The following CEP135 variants were observed in gnomAD, a reference collection of about 807,000 sequenced individuals.
The protein encoded by CEP135 is centrosomal protein 135, also known as centrosomal protein of 135 kDa.
CEP135 carries 142 observed loss-of-function variants against 157.3 expected under a neutral mutation model. The observed-to-expected ratio is 0.90, with a 90% CI of 0.79 to 1.04. The LOEUF (loss-of-function observed/expected upper bound fraction) is 1.04, where lower values mean the gene tolerates loss of function less well. Among genes scored for constraint, CEP135 ranks in the 50% least tolerant of loss-of-function variants. CEP135 has a pLI of 0.00. For synonymous variants in CEP135, 396 were observed against 439.8 expected, an observed-to-expected ratio of 0.90 and a Z score of 1.25; for missense variants, 1,317 against 1,309.2, an observed-to-expected ratio of 1.01 and a Z score of -0.09.
chr4:56,031,962 G>A lies in CEP135; in HGVS notation c.*614G>A, dbSNP rs932861479. The A allele has an allele frequency of 6.6e-6, 1 of 152,114 alleles. No homozygotes were observed. Among genetic ancestry groups the A allele is most frequent in the Non-Finnish European group, 1.5e-5 (1 of 68,026 alleles). 9.4% of individuals were successfully genotyped at this position (152,114 alleles called of 1,614,324 possible). ...TATTGCCATCTAGAAGAACTATGAT[G>A]AGAAAGATACATTTATATATTATGT... On this transcript the variant is annotated 3_prime_UTR_variant, in exon 26 of 26. Coordinates refer to ENST00000257287, the MANE Select transcript of CEP135 (RefSeq NM_025009.5).
rs569238872 is a variant in CEP135 at position 56,002,299 on chromosome 4, TG to T, written c.2280+2657del. 2.5e-4 allele frequency among the ~76,000 whole-genome samples: 38 copies of T among 152,200 alleles called. 1 individual carries two copies. The South Asian group carries it at 7.5e-3, about 30-fold the overall frequency. On this transcript the variant is annotated intron_variant, in intron 17 of 25. Transcript: ENST00000257287. ...ATTATGTTAAATAAAAGTGTGAAAG[TG>T]GGCATCCTTGGCTTGTTCCAGATCT... is the stretch of plus-strand genomic sequence containing the variant.
chr4:55,990,444 TAAAG>T (rs1052921196), intron 14 of CEP135, among the ~76,000 whole-genome samples: 1 of 152,158 alleles, frequency 6.6e-6, no homozygotes, highest in Non-Finnish European at 1.5e-5. Flanking sequence ...GTATGTAAAA[TAAAG>T]AAGAAATCCA....
At chr4:55,973,931 C>G (rs1729108146) in intron 10 of CEP135, among the ~76,000 whole-genome samples, 1 of 152,146 alleles carries the variant, frequency 6.6e-6, no homozygotes, top group African/African-American at 2.4e-5. Context: ...ATCCAGTTGC[C>G]CATTCTTTCC....
intron 24 of CEP135, among the ~76,000 whole-genome samples, chr4:56,023,232 A>G (rs892320637): frequency 6.7e-6 from 1 of 150,248 alleles, no homozygotes; most frequent in Non-Finnish European, 1.5e-5. Context: ...AAAAAAAAAA[A>G]GAGAGAATTA....
chr4:55,981,531 A>G (rs1729408648), intron 13 of CEP135, 152 bp downstream of exon 13: 1 of 576,266 alleles, frequency 1.7e-6, no homozygotes, highest in Non-Finnish European at 2.9e-6. Context: ...AGAATATTTC[A>G]TTGTTGATAA....
At chr4:56,017,226 C>T (rs1173290300) in intron 21 of CEP135, among the ~76,000 whole-genome samples, 1 of 150,588 alleles carries the variant, frequency 6.6e-6, no homozygotes, top group Non-Finnish European at 1.5e-5. Flanking sequence ...TGAAGTAAAC[C>T]CCATTTTTGG....
At chr4:55,961,859 T>C (rs1180450543) in intron 6 of CEP135, among the ~76,000 whole-genome samples, 1 of 151,608 alleles carries the variant, frequency 6.6e-6, no homozygotes, top group East Asian at 1.9e-4. Flanking sequence ...TTAGCCATAT[T>C]TGTACTCAGG....
intron 19 of CEP135, 74 bp from the exon 20 acceptor site, chr4:56,011,338 A>T: frequency 1.0e-6 from 1 of 988,722 alleles, no homozygotes; most frequent in Non-Finnish European, 1.5e-6. Flanking sequence ...ATTCCAAAGG[A>T]ATTATTTGAA....
rs769583190 is a variant in CEP135, at chr4:56,009,917, G to A, written c.2505+14G>A. On this transcript the variant is annotated intron_variant, in intron 19 of 25. Coordinates refer to ENST00000257287, the MANE Select transcript of CEP135 (RefSeq NM_025009.5). ...AGAGAAAATCAAGTATGAACACAAG[G>A]CATAAATTTTGATAGTTTTATACTT... 2 of 1,606,348 alleles carry A rather than the reference G, an allele frequency of 1.2e-6. No homozygotes were observed. Among genetic ancestry groups the A allele is most frequent in the Non-Finnish European group, 1.7e-6 (2 of 1,177,574 alleles).
intron 5 of CEP135, among the ~76,000 whole-genome samples, chr4:55,959,021 G>A (rs1391951138): frequency 1.3e-5 from 2 of 152,152 alleles, no homozygotes; most frequent in Admixed American, 6.5e-5. Context: ...GGAGGTTGAG[G>A]CAGCAGTGAG....
intron 11 of CEP135, among the ~76,000 whole-genome samples, chr4:55,975,517 TTCTC>T (rs1474268829): frequency 6.6e-6 from 1 of 152,206 alleles, no homozygotes; most frequent in African/African-American, 2.4e-5. Flanking sequence ...TCCAAAGATG[TTCTC>T]TCTATGTTAT....
intron 10 of CEP135, among the ~76,000 whole-genome samples, chr4:55,974,324 G>A (rs185045279): frequency 6.6e-6 from 1 of 152,232 alleles, no homozygotes; most frequent in East Asian, 1.9e-4. Flanking sequence ...TTATGTTTGA[G>A]TTATTTTGCT....
intron 8 of CEP135, among the ~76,000 whole-genome samples, chr4:55,966,933 CTA>C (rs1728861998): frequency 6.6e-6 from 1 of 151,994 alleles, no homozygotes; most frequent in Admixed American, 6.5e-5. Flanking sequence ...TAAAATAAAA[CTA>C]TTTCATTGTT....
At chr4:55,985,218 A>T in intron 13 of CEP135, 63 bp from the exon 14 acceptor site, 1 of 810,556 alleles carries the variant, frequency 1.2e-6, no homozygotes, top group Non-Finnish European at 2.1e-6. Flanking sequence ...TACATTGCTT[A>T]CTGTGGTGAT....
chr4:55,975,125 C>T (rs527297335), intron 11 of CEP135, among the ~76,000 whole-genome samples, 156 bp downstream of exon 11: 2 of 152,272 alleles, frequency 1.3e-5, no homozygotes, highest in African/African-American at 2.4e-5. Flanking sequence ...AGGAACACTA[C>T]ATTAATTAGG....
At chr4:55,963,427 G>C (rs923692578) in intron 6 of CEP135, among the ~76,000 whole-genome samples, 18 of 152,104 alleles carry the variant, frequency 1.2e-4, no homozygotes, top group African/African-American at 4.3e-4. Flanking sequence ...GGTATGTTTG[G>C]AATGTTTGGT....
At chr4:56,024,753 A>G (rs888910334) in intron 25 of CEP135, 139 bp downstream of exon 25, 7 of 619,424 alleles carry the variant, frequency 1.1e-5, no homozygotes, top group African/African-American at 7.4e-5. Context: ...AAAGTTCTAT[A>G]TCTTGGTGAT....
At chr4:56,020,206 G>A (rs2109746531) in intron 23 of CEP135, among the ~76,000 whole-genome samples, 1 of 152,294 alleles carries the variant, frequency 6.6e-6, no homozygotes, top group South Asian at 2.1e-4. Context: ...AAAAGGCTAT[G>A]AGATTTGACC....
rs780730711 is a variant in CEP135, at chr4:56,019,431, A to G, written c.3091A>G (p.Lys1031Glu). 4 of 1,614,024 alleles carry G rather than the reference A, an allele frequency of 2.5e-6. No individual in the cohort carries two copies. The highest frequency in any genetic ancestry group is 2.2e-5 in the East Asian group (1 of 44,840). The change falls in exon 23 of 26, where the codon AAA becomes GAA. Residue 1031 changes from lysine (K) to glutamate (E), a missense_variant. Lys to Glu is a moderately conservative substitution (Grantham distance 56, BLOSUM62 1). Transcript: ENST00000257287. ...KQLSNERHTV[K>E]NLESLLATNR... ...ACTTTCAAATGAGAGACATACAGTT[A>G]AAAACCTCGAATCATTGTTGGCTAC... is the stretch of plus-strand genomic sequence containing the variant.
Sources: gnomAD v4.1 joint callset for allele counts (sites outside exome capture counted in the v4.1 genomes callset) on GRCh38, gnomAD v4.1.1 for gene constraint, MANE v1.5 for transcripts, NCBI Gene and HGNC (gene_info 2026-07-23, HGNC 2026-07-21) for gene names.